GRIA4: variants seen among roughly 807,000 people sequenced by gnomAD.
GRIA4 encodes glutamate receptor 4.
In GRIA4, 34 loss-of-function variants were observed where a neutral mutation model predicts 104.0. The observed-to-expected ratio is 0.33, with a 90% CI of 0.25 to 0.44. The LOEUF (loss-of-function observed/expected upper bound fraction) is 0.44, where lower values mean the gene tolerates loss of function less well. Ranked by LOEUF, GRIA4 falls within the 20% of genes least tolerant of loss-of-function variation. The pLI, the probability that GRIA4 is intolerant of heterozygous loss-of-function variation, is 1.00. For missense variants in GRIA4, 750 were observed against 1,096.5 expected (o/e 0.68, Z 4.46); for synonymous variants, 386 against 381.9 (o/e 1.01, Z -0.13).
intron 3 of GRIA4, among the ~76,000 whole-genome samples, chr11:105,716,691 TA>T (rs1954100968): frequency 6.6e-6 from 1 of 152,130 alleles, no homozygotes; most frequent in Non-Finnish European, 1.5e-5. Context: ...AGTTTGCACT[TA>T]ACATCAATTT....
At chr11:105,890,252 A>G (rs648155) in intron 6 of GRIA4, among the ~76,000 whole-genome samples, 206 of 152,308 alleles carry the variant, frequency 1.4e-3, no homozygotes, top group African/African-American at 4.6e-3. Context: ...CCCTGGAGAA[A>G]CTGAGTTTAA....
intron 4 of GRIA4, among the ~76,000 whole-genome samples, chr11:105,820,091 G>A (rs1943524120): frequency 6.6e-6 from 1 of 152,114 alleles, no homozygotes; most frequent in Non-Finnish European, 1.5e-5. Flanking sequence ...TACCCTCCAA[G>A]CTTCAGAGGG....
intron 5 of GRIA4, among the ~76,000 whole-genome samples, chr11:105,868,787 C>T (rs952862796): frequency 1.1e-4 from 17 of 152,188 alleles, no homozygotes; most frequent in Non-Finnish European, 1.9e-4. Flanking sequence ...AGCAATTTCC[C>T]GCACTGCAGT....
At chr11:105,615,602 A>G (rs1950580275) in intron 3 of GRIA4, among the ~76,000 whole-genome samples, 1 of 151,910 alleles carries the variant, frequency 6.6e-6, no homozygotes, top group Non-Finnish European at 1.5e-5. Flanking sequence ...AATATGAAGT[A>G]TGACGGAATG....
intron 9 of GRIA4, among the ~76,000 whole-genome samples, chr11:105,907,259 C>A (rs560487893): frequency 2.0e-5 from 3 of 152,260 alleles, no homozygotes; most frequent in African/African-American, 7.2e-5. Flanking sequence ...TCACACCCAG[C>A]TGACACTCAT....
At chr11:105,902,298 C>A (rs1337818218) in intron 7 of GRIA4, among the ~76,000 whole-genome samples, 1 of 151,654 alleles carries the variant, frequency 6.6e-6, no homozygotes, top group African/African-American at 2.4e-5. Context: ...TGTCTCATGG[C>A]CGTGTTGCCT....
At chr11:105,896,776 T>C (rs979924707) in intron 6 of GRIA4, among the ~76,000 whole-genome samples, 2 of 152,192 alleles carry the variant, frequency 1.3e-5, no homozygotes, top group African/African-American at 4.8e-5. Flanking sequence ...TGTGTGTCTA[T>C]TTCTGTACCA....
At chr11:105,668,317 G>C (rs998183156) in intron 3 of GRIA4, among the ~76,000 whole-genome samples, 12 of 146,054 alleles carry the variant, frequency 8.2e-5, no homozygotes, top group Non-Finnish European at 1.8e-4. Flanking sequence ...AGACATAATA[G>C]AATATTATTC....
At chr11:105,926,188 C>T (rs1465814319) in intron 12 of GRIA4, among the ~76,000 whole-genome samples, 1 of 150,420 alleles carries the variant, frequency 6.6e-6, no homozygotes, top group East Asian at 1.9e-4. Flanking sequence ...TGGCCTACAT[C>T]CCATCATCCT....
At chr11:105,821,402 G>A (rs1216482313) in intron 4 of GRIA4, among the ~76,000 whole-genome samples, 1 of 152,000 alleles carries the variant, frequency 6.6e-6, no homozygotes, top group Non-Finnish European at 1.5e-5. Flanking sequence ...ATGTTTAATT[G>A]GCTCATGGTT....
At chr11:105,798,155 C>G (rs1399103721) in intron 4 of GRIA4, among the ~76,000 whole-genome samples, 2 of 151,934 alleles carry the variant, frequency 1.3e-5, no homozygotes, top group Non-Finnish European at 2.9e-5. Context: ...AGCTTACATT[C>G]AAGTAATAGA....
At chr11:105,859,393 T>G (rs1218498746) in intron 4 of GRIA4, among the ~76,000 whole-genome samples, 1 of 152,158 alleles carries the variant, frequency 6.6e-6, no homozygotes, top group African/African-American at 2.4e-5. Flanking sequence ...TGTCCTAGGG[T>G]TCTGTCTGAT....
At chr11:105,743,285 A>G (rs1939433870) in intron 3 of GRIA4, among the ~76,000 whole-genome samples, 2 of 152,134 alleles carry the variant, frequency 1.3e-5, no homozygotes. Flanking sequence ...TAACCATTCA[A>G]ATGTTAACAA....
chr11:105,838,878 T>C (rs572759364), intron 4 of GRIA4, among the ~76,000 whole-genome samples: 3 of 152,310 alleles, frequency 2.0e-5, no homozygotes, highest in East Asian at 1.9e-4. Flanking sequence ...AGTCACAGCA[T>C]AGTGACTAAT....
intron 13 of GRIA4, among the ~76,000 whole-genome samples, chr11:105,927,891 A>G (rs1418974064): frequency 6.6e-6 from 1 of 152,002 alleles, no homozygotes; most frequent in Non-Finnish European, 1.5e-5. Context: ...AATTGTTTAA[A>G]CACTAGAATA....
intron 4 of GRIA4, among the ~76,000 whole-genome samples, chr11:105,771,706 T>C (rs140819395): frequency 6.6e-6 from 1 of 152,070 alleles, no homozygotes; most frequent in Non-Finnish European, 1.5e-5. Flanking sequence ...TTGAACAATA[T>C]GATTTTGAAC....
At chr11:105,683,470 G>A (rs1952773828) in intron 3 of GRIA4, among the ~76,000 whole-genome samples, 1 of 151,756 alleles carries the variant, frequency 6.6e-6, no homozygotes, top group South Asian at 2.1e-4. Context: ...GAAGACTAGA[G>A]GAATGCTTTT....
At chr11:105,729,855 A>G (rs113524468) in intron 3 of GRIA4, among the ~76,000 whole-genome samples, 6 of 152,328 alleles carry the variant, frequency 3.9e-5, no homozygotes, top group African/African-American at 1.2e-4. Flanking sequence ...GATTGAACAT[A>G]TCTGAAAATA....
chr11:105,633,527 A>T (rs1285232594), intron 3 of GRIA4, among the ~76,000 whole-genome samples: 2 of 152,294 alleles, frequency 1.3e-5, no homozygotes, highest in African/African-American at 2.4e-5. Flanking sequence ...ATTATTATTC[A>T]AGCTGTGAAT....
Sources: allele counts gnomAD v4.1 joint callset (sites outside exome capture counted in the v4.1 genomes callset), GRCh38; gene constraint gnomAD v4.1.1; transcripts MANE v1.5; gene names NCBI Gene and HGNC (gene_info 2026-07-23, HGNC 2026-07-21).